The following OSBPL10 variants were observed in gnomAD, a reference collection of about 807,000 sequenced individuals.
OSBPL10 encodes oxysterol-binding protein-related protein 10.
OSBPL10 carries 49 observed loss-of-function variants against 81.7 expected under a neutral mutation model. That is an observed-to-expected ratio of 0.60 (90% CI 0.48 to 0.76). The LOEUF (loss-of-function observed/expected upper bound fraction) is 0.76. Ranked by LOEUF, OSBPL10 falls within the 30% of genes least tolerant of loss-of-function variation. The pLI, the probability that OSBPL10 is intolerant of heterozygous loss-of-function variation, is 0.00. For synonymous variants in OSBPL10, 419 were observed against 383.6 expected (o/e 1.09, Z -1.08); for missense variants, 923 against 987.8 (o/e 0.93, Z 0.88).
At chr3:31,677,539 C>T (rs1700509456) in intron 8 of OSBPL10, among the ~76,000 whole-genome samples, 1 of 152,174 alleles carries the variant, frequency 6.6e-6, no homozygotes, top group Non-Finnish European at 1.5e-5. Context: ...TTCTGAGTGG[C>T]ATTTTCAAGC....
chr3:31,930,922 G>A (rs113760676), intron 1 of OSBPL10, among the ~76,000 whole-genome samples: 7,493 of 149,382 alleles, frequency 0.05, 324 homozygotes, highest in African/African-American at 0.12. Flanking sequence ...GCTGAGGCAG[G>A]AGAATGGCGT....
intron 1 of OSBPL10, among the ~76,000 whole-genome samples, chr3:31,911,998 A>C (rs1205985571): frequency 6.6e-6 from 1 of 152,138 alleles, no homozygotes; most frequent in African/African-American, 2.4e-5. Context: ...GTTGCAAAAC[A>C]ATGTGAATGT....
At chr3:32,075,290 G>A (rs941699655) in intron 1 of OSBPL10, among the ~76,000 whole-genome samples, 2 of 152,142 alleles carry the variant, frequency 1.3e-5, no homozygotes, top group East Asian at 1.9e-4. Context: ...TAAATGAAGA[G>A]TGTTGTTTTT....
At chr3:31,799,918 C>G (rs1475044947) in intron 4 of OSBPL10, among the ~76,000 whole-genome samples, 1 of 152,162 alleles carries the variant, frequency 6.6e-6, no homozygotes, top group Non-Finnish European at 1.5e-5. Flanking sequence ...CAATATTGGC[C>G]AGGCTGGTCT....
At chr3:31,784,429 G>GA (rs1698807325) in intron 4 of OSBPL10, among the ~76,000 whole-genome samples, 3 of 150,036 alleles carry the variant, frequency 2.0e-5, no homozygotes, top group African/African-American at 4.9e-5. Flanking sequence ...AGGAAAGAAA[G>GA]AAAAAAACTC....
intron 1 of OSBPL10, among the ~76,000 whole-genome samples, chr3:31,931,950 G>C (rs1424229223): frequency 6.6e-6 from 1 of 152,108 alleles, no homozygotes; most frequent in East Asian, 1.9e-4. Context: ...GCTGAAGTGA[G>C]AGGATCACTT....
intron 5 of OSBPL10, among the ~76,000 whole-genome samples, chr3:31,740,284 C>T (rs1170149107): frequency 6.6e-6 from 1 of 152,174 alleles, no homozygotes; most frequent in South Asian, 2.1e-4. Flanking sequence ...CCTTGTGATC[C>T]ACCCGCCTCG....
At chr3:31,946,229 C>T (rs567197126) in intron 1 of OSBPL10, among the ~76,000 whole-genome samples, 2 of 152,076 alleles carry the variant, frequency 1.3e-5, no homozygotes, top group Non-Finnish European at 2.9e-5. Flanking sequence ...ATCCACCCCC[C>T]TCAGCCTCCC....
At chr3:31,899,873 T>C (rs1696181542) in intron 1 of OSBPL10, among the ~76,000 whole-genome samples, 1 of 152,156 alleles carries the variant, frequency 6.6e-6, no homozygotes, top group South Asian at 2.1e-4. Flanking sequence ...GGTCCCAGCA[T>C]AGAAAATATT....
intron 4 of OSBPL10, among the ~76,000 whole-genome samples, chr3:31,801,828 GT>G (rs200774070): frequency 1.4e-4 from 21 of 146,250 alleles, no homozygotes; most frequent in South Asian, 2.2e-4. Flanking sequence ...TTTTTTTGTT[GT>G]TTTTTTTTTT....
At chr3:31,972,169 A>C (rs1265108417) in intron 1 of OSBPL10, among the ~76,000 whole-genome samples, 1 of 152,196 alleles carries the variant, frequency 6.6e-6, no homozygotes, top group Non-Finnish European at 1.5e-5. Flanking sequence ...CGGGCGGATC[A>C]CCTGAGGTCA....
chr3:31,903,881 A>G (rs1241475243), intron 1 of OSBPL10, among the ~76,000 whole-genome samples: 1 of 152,118 alleles, frequency 6.6e-6, no homozygotes, highest in African/African-American at 2.4e-5. Flanking sequence ...GGAGGGAAAC[A>G]CTTGTCAGGA....
intron 8 of OSBPL10, 141 bp from the exon 9 acceptor site, chr3:31,671,124 T>TC: frequency 2.5e-6 from 2 of 790,790 alleles, no homozygotes; most frequent in Non-Finnish European, 3.9e-6. Context: ...AGCTGCTCGT[T>TC]CACTGTGGGC....
chr3:31,766,321 G>GTTTTTTTTTTTTTTTTT (rs372182366), intron 4 of OSBPL10, among the ~76,000 whole-genome samples: 1 of 68,592 alleles, frequency 1.5e-5, no homozygotes, highest in African/African-American at 4.3e-5. Flanking sequence ...GCCCAATGTA[G>GTTTTTTTTTTTTTTTTT]TTTTTTTGTT....
intron 3 of OSBPL10, among the ~76,000 whole-genome samples, chr3:31,838,327 G>A (rs527486023): frequency 6.6e-6 from 1 of 151,936 alleles, no homozygotes; most frequent in African/African-American, 2.4e-5. Context: ...TGGCTAACAC[G>A]GTGAAACCCC....
chr3:31,746,470 GGAGTTCAAGACCA>G (rs1336033698), intron 5 of OSBPL10, among the ~76,000 whole-genome samples: 1 of 151,984 alleles, frequency 6.6e-6, no homozygotes, highest in Non-Finnish European at 1.5e-5. Flanking sequence ...CCTGAGGTTG[GGAGTTCAAGACCA>G]GCCTGAACAA....
chr3:31,666,794 A>G (rs1219437964), intron 10 of OSBPL10, among the ~76,000 whole-genome samples: 1 of 152,222 alleles, frequency 6.6e-6, no homozygotes, highest in Non-Finnish European at 1.5e-5. Context: ...GAACAATTAT[A>G]ACAATATACC....
chr3:31,795,290 G>A (rs889940344), intron 4 of OSBPL10, among the ~76,000 whole-genome samples: 4 of 151,810 alleles, frequency 2.6e-5, no homozygotes, highest in Admixed American at 1.3e-4. Context: ...GATCACAGGC[G>A]CCTGCCACCA....
chr3:31,783,533 G>A (rs1698757862), intron 4 of OSBPL10, among the ~76,000 whole-genome samples: 1 of 151,562 alleles, frequency 6.6e-6, no homozygotes, highest in Middle Eastern at 3.2e-3. Flanking sequence ...GCTCACACCT[G>A]TAATCCCAGC....
Sources: gnomAD v4.1 joint callset for allele counts (sites outside exome capture counted in the v4.1 genomes callset) on GRCh38, gnomAD v4.1.1 for gene constraint, MANE v1.5 for transcripts, NCBI Gene and HGNC (gene_info 2026-07-23, HGNC 2026-07-21) for gene names.